TBL1X: variants seen among roughly 807,000 people sequenced by gnomAD.
TBL1X encodes the protein F-box-like/WD repeat-containing protein TBL1X.
A neutral mutation model predicts 50.7 loss-of-function variants in TBL1X; 10 were observed. That is an observed-to-expected ratio of 0.20 (90% CI 0.12 to 0.33). The LOEUF (loss-of-function observed/expected upper bound fraction) is 0.33. Ranked by LOEUF, TBL1X falls within the 10% of genes least tolerant of loss-of-function variation. The pLI is 1.00. For missense variants in TBL1X, 340 were observed against 504.4 expected, an observed-to-expected ratio of 0.67 and a Z score of 3.12; for synonymous variants, 190 against 214.7, an observed-to-expected ratio of 0.88 and a Z score of 1.01.
intron 2 of TBL1X, among the ~76,000 whole-genome samples, chrX:9,571,248 G>C (rs978773185): frequency 1.8e-4 from 20 of 111,579 alleles, no homozygotes; most frequent in African/African-American, 6.2e-4. Flanking sequence ...GTATGGGTGG[G>C]GTGGAGGGGC....
chrX:9,606,869 C>CTGTCT (rs1414144218), intron 2 of TBL1X, among the ~76,000 whole-genome samples: 1 of 112,252 alleles, frequency 8.9e-6, no homozygotes, highest in Admixed American at 9.4e-5. Flanking sequence ...AGAACTGCTG[C>CTGTCT]TGTCTCTCTA....
intron 13 of TBL1X, 82 bp from the exon 14 acceptor site, chrX:9,709,166 G>A (rs1372513223): frequency 5.0e-6 from 5 of 1,009,124 alleles, no homozygotes; most frequent in East Asian, 3.2e-5. Flanking sequence ...CGCCGGTGGC[G>A]CGCTGCTGCC....
chrX:9,523,541 G>A (rs947871088), intron 2 of TBL1X, among the ~76,000 whole-genome samples: 6 of 112,513 alleles, frequency 5.3e-5, no homozygotes, highest in African/African-American at 1.9e-4. Context: ...ACTTGGCAGG[G>A]TCCTGTCTTT....
chrX:9,715,103 C>G (rs1377726067), intron 17 of TBL1X, 100 bp downstream of exon 17: 3 of 821,369 alleles, frequency 3.7e-6, no homozygotes, highest in East Asian at 3.5e-5. Flanking sequence ...CCTGAAGGGC[C>G]TAGCCCAGTG....
At chrX:9,479,938 A>ATGTATGTGTGTGTGTGTGTG (rs1169895898) in intron 1 of TBL1X, among the ~76,000 whole-genome samples, 1 of 94,988 alleles carries the variant, frequency 1.1e-5, no homozygotes, top group Non-Finnish European at 2.1e-5. Flanking sequence ...GGAAAGTAGA[A>ATGTATGTGTGTGTGTGTGTG]TGTGTGTGTG....
In TBL1X at chrX:9,705,076, G is replaced by A. The variant is rs376561043; in HGVS notation, c.1198G>A (p.Gly400Ser). 2.6e-5 allele frequency: 31 copies of A among 1,210,642 alleles called. No homozygotes were observed. Among genetic ancestry groups the A allele is most frequent in the Admixed American group, 6.5e-5 (3 of 45,853 alleles). The change falls in exon 13 of 18, where the codon GGC becomes AGC. Residue 400 changes from glycine to serine, a missense_variant. By Grantham distance (56) the Gly-to-Ser change is moderately conservative. Around this residue, in one of 6 missense-constraint regions of TBL1X, gnomAD observed 170 missense variants for 272.6 expected, o/e 0.62. Coordinates refer to ENST00000645353, the MANE Select transcript of TBL1X (RefSeq NM_005647.4). ...CATGTGTATCCATGTGTGCAGGCTC[G>A]GCTGTGACCGCCCAGTCAAAACCTT... ...TDMCIHVCRL[G>S]CDRPVKTFQG... is the part of the protein sequence containing the mutation.
chrX:9,630,666 C>T (rs1252621486), intron 2 of TBL1X, among the ~76,000 whole-genome samples: 3 of 111,552 alleles, frequency 2.7e-5, no homozygotes, highest in Non-Finnish European at 5.7e-5. Flanking sequence ...GCCCCTTCCT[C>T]CCGGGCTCAG....
intron 2 of TBL1X, among the ~76,000 whole-genome samples, chrX:9,521,543 G>A (rs1159226266): frequency 8.9e-6 from 1 of 111,958 alleles, no homozygotes; most frequent in African/African-American, 3.3e-5. Flanking sequence ...TACAGTCATC[G>A]CTTGGTATCC....
At chrX:9,494,588 T>A (rs908824034) in intron 1 of TBL1X, among the ~76,000 whole-genome samples, 26 of 112,173 alleles carry the variant, frequency 2.3e-4, no homozygotes, top group East Asian at 1.4e-3. Flanking sequence ...AAAGTTTTTT[T>A]AAAAAATATT....
At chrX:9,634,566 G>A (rs1946782298) in intron 2 of TBL1X, among the ~76,000 whole-genome samples, 1 of 111,009 alleles carries the variant, frequency 9.0e-6, no homozygotes, top group South Asian at 3.9e-4. Flanking sequence ...TGCCCAGACT[G>A]GTCCTGAACT....
At chrX:9,466,929 T>G (rs1169199672) in intron 1 of TBL1X, among the ~76,000 whole-genome samples, 1 of 111,991 alleles carries the variant, frequency 8.9e-6, no homozygotes, top group Non-Finnish European at 1.9e-5. Context: ...ATTCCAGCCC[T>G]TAGTAGAACA....
chrX:9,505,488 A>T (rs1254870408), intron 2 of TBL1X, among the ~76,000 whole-genome samples: 1 of 112,316 alleles, frequency 8.9e-6, no homozygotes, highest in Non-Finnish European at 1.9e-5. Flanking sequence ...CCCCAATTAA[A>T]AGACACAGAC....
At chrX:9,577,664 G>A (rs758868645) in intron 2 of TBL1X, among the ~76,000 whole-genome samples, 1 of 111,827 alleles carries the variant, frequency 8.9e-6, no homozygotes, top group Non-Finnish European at 1.9e-5. Context: ...TATGCGCCAC[G>A]ATGGAGGAGC....
At chrX:9,526,181 G>A (rs774115361) in intron 2 of TBL1X, among the ~76,000 whole-genome samples, 10 of 106,406 alleles carry the variant, frequency 9.4e-5, no homozygotes, top group Non-Finnish European at 1.9e-4. Flanking sequence ...GAGAGAGAGA[G>A]AAAAAAAAAC....
intron 2 of TBL1X, among the ~76,000 whole-genome samples, chrX:9,503,323 G>A (rs1223615213): frequency 1.8e-5 from 2 of 112,918 alleles, no homozygotes; most frequent in African/African-American, 6.4e-5. Flanking sequence ...GATCTCACTC[G>A]TGAACCCACG....
chrX:9,578,342 C>A (rs1351632019), intron 2 of TBL1X, among the ~76,000 whole-genome samples: 1 of 111,104 alleles, frequency 9.0e-6, no homozygotes, highest in African/African-American at 3.3e-5. Context: ...CTCAAGCAGT[C>A]CCCCCACCTC....
intron 11 of TBL1X, among the ~76,000 whole-genome samples, chrX:9,695,369 G>C (rs1052944069): frequency 8.9e-6 from 1 of 112,452 alleles, no homozygotes; most frequent in African/African-American, 3.2e-5. Context: ...TTCAGACTTA[G>C]TAGCCTGGTT....
intron 2 of TBL1X, among the ~76,000 whole-genome samples, chrX:9,563,717 G>A (rs2082334903): frequency 8.9e-6 from 1 of 112,473 alleles, no homozygotes; most frequent in Non-Finnish European, 1.9e-5. Flanking sequence ...TACCTTATTA[G>A]ACAAGGAAGA....
At chrX:9,534,236 G>T (rs2082176610) in intron 2 of TBL1X, among the ~76,000 whole-genome samples, 2 of 111,666 alleles carry the variant, frequency 1.8e-5, no homozygotes, top group Non-Finnish European at 3.8e-5. Flanking sequence ...CATCTGTGCA[G>T]GCATCCTAAT....
Sources: allele counts gnomAD v4.1 joint callset (sites outside exome capture counted in the v4.1 genomes callset), GRCh38; gene constraint gnomAD v4.1.1; regional missense constraint gnomAD v4.1.1; transcripts MANE v1.5; gene names NCBI Gene and HGNC (gene_info 2026-07-23, HGNC 2026-07-21).